The following PSD3 variants were observed in gnomAD, a reference collection of about 807,000 sequenced individuals.
The protein encoded by PSD3 is pleckstrin and Sec7 domain containing 3.
PSD3 carries 49 observed loss-of-function variants against 105.5 expected under a neutral mutation model. That is an observed-to-expected ratio of 0.46 (90% CI 0.37 to 0.59). The LOEUF (loss-of-function observed/expected upper bound fraction) is 0.59. PSD3 is among the 20% of genes least tolerant of loss of function. The pLI, the probability that PSD3 is intolerant of heterozygous loss-of-function variation, is 0.00. For synonymous variants in PSD3, 557 were observed against 457.8 expected, an observed-to-expected ratio of 1.22 and a Z score of -2.77; for missense variants, 1,561 against 1,263.8, an observed-to-expected ratio of 1.24 and a Z score of -3.57.
chr8:18,550,522 T>C (rs1200755655), intron 15 of PSD3, among the ~76,000 whole-genome samples: 2 of 152,222 alleles, frequency 1.3e-5, no homozygotes, highest in East Asian at 1.9e-4. Flanking sequence ...GTTGAAAATA[T>C]CGTAAGTCAA....
intron 1 of PSD3, among the ~76,000 whole-genome samples, chr8:18,991,336 AAAC>A (rs1327961057): frequency 6.1e-5 from 8 of 132,080 alleles, no homozygotes; most frequent in African/African-American, 8.1e-5. Context: ...GGGCAACAGA[AAAC>A]ACACACACAC....
chr8:18,823,937 T>C (rs532022375), intron 4 of PSD3, among the ~76,000 whole-genome samples: 12 of 152,102 alleles, frequency 7.9e-5, no homozygotes, highest in Non-Finnish European at 1.2e-4. Flanking sequence ...CCCTGCACTT[T>C]GGGTGGCTGA....
chr8:19,012,894 T>C (rs985074763), intron 1 of PSD3, among the ~76,000 whole-genome samples: 1 of 152,162 alleles, frequency 6.6e-6, no homozygotes, highest in Non-Finnish European at 1.5e-5. Flanking sequence ...TTCCATCCTC[T>C]GCCTAGTGGG....
chr8:18,813,575 T>C (rs1346539581), intron 4 of PSD3, among the ~76,000 whole-genome samples: 2 of 152,212 alleles, frequency 1.3e-5, no homozygotes, highest in African/African-American at 2.4e-5. Flanking sequence ...GGGGTCTCCC[T>C]TCATTTGTTC....
At chr8:18,688,460 C>T (rs1056853337) in intron 9 of PSD3, among the ~76,000 whole-genome samples, 6 of 152,094 alleles carry the variant, frequency 3.9e-5, no homozygotes, top group African/African-American at 7.2e-5. Context: ...CATACAAAGC[C>T]GCCTTACTCT....
chr8:18,991,998 G>A (rs13248405), intron 1 of PSD3, among the ~76,000 whole-genome samples: 63,303 of 151,884 alleles, frequency 0.42, 14,065 homozygotes, highest in Non-Finnish European at 0.51. Context: ...AAACTAATAC[G>A]TTTGCCCAAA....
intron 11 of PSD3, among the ~76,000 whole-genome samples, chr8:18,623,625 C>G (rs1387530918): frequency 2.1e-5 from 3 of 145,020 alleles, no homozygotes; most frequent in Non-Finnish European, 4.5e-5. Flanking sequence ...GCCTGGGTTA[C>G]TGAGCGAGAC....
At chr8:18,844,666 T>G (rs1310417713) in intron 4 of PSD3, among the ~76,000 whole-genome samples, 1 of 152,148 alleles carries the variant, frequency 6.6e-6, no homozygotes, top group African/African-American at 2.4e-5. Flanking sequence ...TACTCCACAT[T>G]AAATAGGATG....
chr8:18,878,354 C>G (rs1470355599), intron 2 of PSD3, among the ~76,000 whole-genome samples: 1 of 152,038 alleles, frequency 6.6e-6, no homozygotes, highest in Non-Finnish European at 1.5e-5. Flanking sequence ...TTCTACATAC[C>G]AGATCATGTC....
At chr8:18,978,537 C>A (rs548910635) in intron 1 of PSD3, among the ~76,000 whole-genome samples, 2 of 152,258 alleles carry the variant, frequency 1.3e-5, no homozygotes, top group South Asian at 4.1e-4. Flanking sequence ...TAACATCTCT[C>A]CATAACCTGA....
intron 1 of PSD3, among the ~76,000 whole-genome samples, chr8:18,937,710 T>C (rs1822236739): frequency 6.6e-6 from 1 of 152,206 alleles, no homozygotes; most frequent in Non-Finnish European, 1.5e-5. Context: ...TTAATTATCC[T>C]TTTCCCCAAT....
rs118091968 is a variant in PSD3, at chr8:18,715,749, T to C, written c.2172+49700A>G. The stretch of plus-strand genomic sequence containing the variant: ...CACCACTTACTAATAATACTGCTCA[T>C]TTCTTGAACCCCATTGCAATCTGCA... On this transcript the variant is annotated intron_variant, in intron 9 of 15. Transcript: ENST00000327040. Among the ~76,000 whole-genome samples, 578 of 152,300 alleles carry C rather than the reference T, an allele frequency of 3.8e-3. 7 individuals are homozygous for C. The highest frequency in any genetic ancestry group is 0.021 in the South Asian group (102 of 4,824).
At chr8:18,544,188 A>C (rs945781489) in intron 15 of PSD3, among the ~76,000 whole-genome samples, 1 of 51,938 alleles carries the variant, frequency 1.9e-5, no homozygotes, top group Admixed American at 3.9e-4. Context: ...AAAAAAAAAA[A>C]AAAAAAAAAA....
chr8:18,782,901 A>G (rs1347237750), intron 8 of PSD3, among the ~76,000 whole-genome samples: 2 of 152,230 alleles, frequency 1.3e-5, no homozygotes, highest in Non-Finnish European at 2.9e-5. Flanking sequence ...GTCATGCTAT[A>G]TAATCCTTTT....
intron 15 of PSD3, among the ~76,000 whole-genome samples, chr8:18,547,393 C>T (rs1021239433): frequency 6.9e-4 from 105 of 152,284 alleles, no homozygotes; most frequent in Admixed American, 7.8e-4. Flanking sequence ...GTAGTAAGAA[C>T]TGCAGGTCTC....
intron 9 of PSD3, chr8:18,683,660 T>C (rs1161528847): frequency 4.6e-6 from 3 of 658,216 alleles, no homozygotes; most frequent in Non-Finnish European, 8.3e-6. Context: ...AACCATTTTA[T>C]ACTCCTCGTT....
At chr8:18,746,639 AGT>A (rs2129436345) in intron 9 of PSD3, among the ~76,000 whole-genome samples, 1 of 152,356 alleles carries the variant, frequency 6.6e-6, no homozygotes, top group South Asian at 2.1e-4. Context: ...ACTGGAGTAC[AGT>A]GTTTGTGTAC....
intron 10 of PSD3, among the ~76,000 whole-genome samples, chr8:18,640,912 T>TG (rs1807597434): frequency 6.6e-6 from 1 of 152,276 alleles, no homozygotes; most frequent in Non-Finnish European, 1.5e-5. Flanking sequence ...GCAAACCCAG[T>TG]GGGGCAGAGC....
At chr8:18,649,995 T>A (rs527451470) in intron 10 of PSD3, among the ~76,000 whole-genome samples, 1 of 152,330 alleles carries the variant, frequency 6.6e-6, no homozygotes, top group South Asian at 2.1e-4. Flanking sequence ...CTCTTTTGTT[T>A]ACAAATTACC....
Sources: allele counts gnomAD v4.1 joint callset (sites outside exome capture counted in the v4.1 genomes callset), GRCh38; gene constraint gnomAD v4.1.1; transcripts MANE v1.5; gene names NCBI Gene and HGNC (gene_info 2026-07-23, HGNC 2026-07-21).